Variants in ABCC4 observed in about 807,000 individuals in gnomAD.
ABCC4 encodes ATP binding cassette subfamily C member 4 (PEL blood group), also known as ATP-binding cassette sub-family C member 4.
A neutral mutation model predicts 168.5 loss-of-function variants in ABCC4; 102 were observed. The ratio of observed to expected loss-of-function variants is 0.61; its 90% CI spans 0.52 to 0.71. The LOEUF is 0.71. Among genes scored for constraint, ABCC4 ranks in the 30% least tolerant of loss-of-function variants. The pLI is 0.00. For synonymous variants in ABCC4, 617 were observed against 590.7 expected (o/e 1.04, Z -0.65); for missense variants, 1,402 against 1,605.8 (o/e 0.87, Z 2.17).
At chr13:95,268,743 G>T (rs1052069830) in intron 1 of ABCC4, among the ~76,000 whole-genome samples, 3 of 151,998 alleles carry the variant, frequency 2.0e-5, no homozygotes, top group African/African-American at 7.2e-5. Context: ...ATGTTTTCCT[G>T]CTGACCCTCT....
At chr13:95,126,783 CAAAT>C (rs1230630330) in intron 19 of ABCC4, among the ~76,000 whole-genome samples, 2 of 70,530 alleles carry the variant, frequency 2.8e-5, no homozygotes, top group African/African-American at 6.0e-5. Context: ...TTAAGTACAC[CAAAT>C]ATATATATTT....
At chr13:95,085,296 C>T (rs1429466711) in intron 20 of ABCC4, among the ~76,000 whole-genome samples, 5 of 150,072 alleles carry the variant, frequency 3.3e-5, no homozygotes, top group African/African-American at 7.3e-5. Context: ...AAAAAATAGC[C>T]GGGTGTGGTG....
chr13:95,061,852 T>C (rs1449634608), intron 26 of ABCC4, among the ~76,000 whole-genome samples: 3 of 152,130 alleles, frequency 2.0e-5, no homozygotes, highest in African/African-American at 7.2e-5. Flanking sequence ...CTCATGACTA[T>C]ACACCTGGAG....
chr13:95,059,617 C>G (rs1480363942), intron 26 of ABCC4, among the ~76,000 whole-genome samples: 6 of 148,680 alleles, frequency 4.0e-5, no homozygotes. Flanking sequence ...CATTAGATTT[C>G]TCTCTTAGGC....
At position 95,186,884 on chromosome 13, in the gene ABCC4, C is replaced by T. The variant is rs567765830; in HGVS notation, c.1362G>A (p.Leu454=). ...VGPVGAGKSS[L]LSAVLGELAP... ...CCAATTCCCCGAGCACGGCACTTAA[C>T]AGTGATGACTGAAACAGATTGTAAA... Residue 454 remains leucine (L), a synonymous_variant, in exon 11 of 31, where the codon CTG becomes CTA. Coordinates refer to ENST00000645237, the MANE Select transcript of ABCC4 (RefSeq NM_005845.5). 1 of 1,610,258 alleles carries T rather than the reference C, an allele frequency of 6.2e-7. No individual in the cohort carries two copies. The highest frequency in any genetic ancestry group is 1.3e-5 in the African/African-American group (1 of 74,894).
rs1157032669 is a variant in ABCC4, at chr13:95,210,706, T to G, written c.607A>C (p.Asn203His). ...QIVNLLSNDVNKFDQVTVFLH... is the reference protein window; with the variant it reads ...QIVNLLSNDVHKFDQVTVFLH... ...CTGCAGCTTACCTGATCAAACTTGT[T>G]CACATCATTGGACAGCAGATTGACT... The change falls in exon 5 of 31, where the codon AAC becomes CAC. Residue 203 changes from asparagine to histidine, a missense_variant. This residue lies in a region of ABCC4 where 317 missense variants were observed against 345.5 expected (regional missense o/e 0.92). Transcript: ENST00000645237. 1.9e-6 allele frequency: 3 copies of G among 1,614,148 alleles called. No homozygotes were observed. The highest frequency in any genetic ancestry group is 1.3e-5 in the African/African-American group (1 of 75,058).
At chr13:95,290,502 C>T (rs1392072964) in intron 1 of ABCC4, among the ~76,000 whole-genome samples, 2 of 151,848 alleles carry the variant, frequency 1.3e-5, no homozygotes, top group African/African-American at 4.8e-5. Flanking sequence ...GTCAGGCGTT[C>T]GAGACTAGCA....
chr13:95,177,595 G>T, intron 13 of ABCC4, 112 bp downstream of exon 13: 1 of 764,648 alleles, frequency 1.3e-6, no homozygotes, highest in Non-Finnish European at 2.1e-6. Flanking sequence ...GACAGTGTGG[G>T]GAGGGGAGCG....
At chr13:95,271,791 G>A (rs1014454817) in intron 1 of ABCC4, among the ~76,000 whole-genome samples, 6 of 152,146 alleles carry the variant, frequency 3.9e-5, no homozygotes, top group African/African-American at 1.4e-4. Context: ...ACTGGAAGGA[G>A]ACAAGCAGGA....
intron 14 of ABCC4, among the ~76,000 whole-genome samples, chr13:95,169,427 A>G (rs989175934): frequency 3.9e-5 from 6 of 152,162 alleles, no homozygotes; most frequent in Admixed American, 3.3e-4. Context: ...CCTCTGTCCT[A>G]GTTCCAGGGC....
chr13:95,118,317 C>G (rs935959474), intron 19 of ABCC4, among the ~76,000 whole-genome samples: 6 of 151,074 alleles, frequency 4.0e-5, no homozygotes, highest in Non-Finnish European at 8.8e-5. Context: ...GATCTCAGCT[C>G]ACTGCAACCT....
intron 1 of ABCC4, among the ~76,000 whole-genome samples, chr13:95,264,775 G>A (rs753849559): frequency 2.0e-5 from 3 of 151,910 alleles, no homozygotes; most frequent in Admixed American, 6.6e-5. Flanking sequence ...AATTTTGTTG[G>A]GTGTTCTATA....
At chr13:95,104,971 A>T (rs1372516041) in intron 20 of ABCC4, among the ~76,000 whole-genome samples, 3 of 152,192 alleles carry the variant, frequency 2.0e-5, no homozygotes, top group Non-Finnish European at 4.4e-5. Flanking sequence ...GGATGATTCA[A>T]GCCCATTACA....
At chr13:95,048,280 A>C (rs924893220) in intron 27 of ABCC4, among the ~76,000 whole-genome samples, 1 of 152,244 alleles carries the variant, frequency 6.6e-6, no homozygotes, top group African/African-American at 2.4e-5. Flanking sequence ...CATTTCAAAC[A>C]CAATGTATCA....
chr13:95,099,386 G>A (rs1011443653), intron 20 of ABCC4, among the ~76,000 whole-genome samples: 2 of 152,086 alleles, frequency 1.3e-5, no homozygotes, highest in Non-Finnish European at 1.5e-5. Flanking sequence ...CTGAGGAGAT[G>A]GAAATGCTCT....
At chr13:95,223,629 G>C (rs1010126199) in intron 4 of ABCC4, among the ~76,000 whole-genome samples, 1 of 152,186 alleles carries the variant, frequency 6.6e-6, no homozygotes, top group Non-Finnish European at 1.5e-5. Flanking sequence ...AGCCTCCTGA[G>C]TAACTGGGAT....
Position 95,067,138 on chromosome 13 carries a change from C to T in ABCC4, c.3211-4279G>A, listed in dbSNP as rs559668559. Among the ~76,000 whole-genome samples the T allele has an allele frequency of 6.6e-5, 10 of 152,170 alleles. No individual in the cohort carries two copies. The South Asian group carries it at 1.2e-3, about 19-fold the overall frequency. On this transcript the variant is annotated intron_variant, in intron 25 of 30. Coordinates refer to ENST00000645237, the MANE Select transcript of ABCC4 (RefSeq NM_005845.5). ...CCATTTTGATCCCATCAGTAGTGAA[C>T]GGAACTCAAATACATCGCTGTGCTG...
chr13:95,281,146 C>T (rs1190869982), intron 1 of ABCC4, among the ~76,000 whole-genome samples: 1 of 151,508 alleles, frequency 6.6e-6, no homozygotes, highest in Non-Finnish European at 1.5e-5. Flanking sequence ...CCCATCTCTA[C>T]TAAAAATACA....
chr13:95,108,987 C>T (rs2035106964), intron 20 of ABCC4, among the ~76,000 whole-genome samples: 1 of 152,198 alleles, frequency 6.6e-6, no homozygotes, highest in Non-Finnish European at 1.5e-5. Flanking sequence ...CTTTCCTTTG[C>T]TGAACACACT....
Sources: allele counts gnomAD v4.1 joint callset (sites outside exome capture counted in the v4.1 genomes callset), GRCh38; gene constraint gnomAD v4.1.1; regional missense constraint gnomAD v4.1.1; transcripts MANE v1.5; gene names NCBI Gene and HGNC (gene_info 2026-07-23, HGNC 2026-07-21).